SLC30A8: variants seen among roughly 807,000 people sequenced by gnomAD.
SLC30A8 encodes the protein solute carrier family 30 member 8, also known as proton-coupled zinc antiporter SLC30A8.
A neutral mutation model predicts 36.9 loss-of-function variants in SLC30A8; 27 were observed. That is an observed-to-expected ratio of 0.73 (90% CI 0.54 to 1.01). SLC30A8 has a LOEUF of 1.01. Among genes scored for constraint, SLC30A8 ranks in the 50% least tolerant of loss-of-function variants. The probability of loss-of-function intolerance (pLI) is 0.00; values close to 1 mark genes in which losing one functional copy is unlikely to be tolerated. For synonymous variants in SLC30A8, 164 were observed against 172.4 expected, an observed-to-expected ratio of 0.95 and a Z score of 0.38; for missense variants, 439 against 452.0, an observed-to-expected ratio of 0.97 and a Z score of 0.26.
At chr8:117,133,826 A>G (rs1442616738), upstream of SLC30A8, among the ~76,000 whole-genome samples, 1 of 151,984 alleles carries the variant, frequency 6.6e-6, no homozygotes, top group East Asian at 1.9e-4. Context: ...TTATTCTGCT[A>G]ACAGTAGACC....
intron 1 of SLC30A8, among the ~76,000 whole-genome samples, chr8:117,022,715 C>T (rs1202236243): frequency 6.6e-6 from 1 of 152,154 alleles, no homozygotes; most frequent in African/African-American, 2.4e-5. Flanking sequence ...ACACTTTATA[C>T]AAAAATTAAT....
At chr8:117,032,389 A>G (rs1451850817) in intron 1 of SLC30A8, among the ~76,000 whole-genome samples, 1 of 152,226 alleles carries the variant, frequency 6.6e-6, no homozygotes, top group Non-Finnish European at 1.5e-5. Context: ...CCAAATGAAT[A>G]AAAAGGTGTA....
At chr8:116,973,806 A>T (rs1027762277) in intron 1 of SLC30A8, among the ~76,000 whole-genome samples, 2 of 152,234 alleles carry the variant, frequency 1.3e-5, no homozygotes, top group African/African-American at 4.8e-5. Context: ...AGGCTACAGT[A>T]ACCAAAACAG....
At chr8:117,056,604 T>C (rs750786421) in intron 2 of SLC30A8, among the ~76,000 whole-genome samples, 61 of 152,128 alleles carry the variant, frequency 4.0e-4, no homozygotes, top group Admixed American at 3.3e-4. Context: ...TGAGGTCTAG[T>C]TGAGAAGGGG....
chr8:117,091,842 T>G (rs549487023), intron 2 of SLC30A8, among the ~76,000 whole-genome samples: 1 of 152,256 alleles, frequency 6.6e-6, no homozygotes, highest in South Asian at 2.1e-4. Context: ...GACTTTGATG[T>G]CAGTTTCAGG....
chr8:117,165,947 G>C (rs1823033890), intron 6 of SLC30A8, among the ~76,000 whole-genome samples: 1 of 152,126 alleles, frequency 6.6e-6, no homozygotes, highest in Non-Finnish European at 1.5e-5. Context: ...TCATAGAAGT[G>C]AAAAGTAGAA....
chr8:117,064,028 G>C (rs1269986784), intron 2 of SLC30A8, among the ~76,000 whole-genome samples: 2 of 151,006 alleles, frequency 1.3e-5, no homozygotes, highest in Non-Finnish European at 2.9e-5. Flanking sequence ...AGGGAATTTC[G>C]CTCTTGTTGC....
At chr8:117,126,931 A>G (rs892420901) in intron 2 of SLC30A8, among the ~76,000 whole-genome samples, 10 of 152,026 alleles carry the variant, frequency 6.6e-5, no homozygotes, top group South Asian at 4.1e-4. Context: ...GGGAGAGCAC[A>G]TGTTCCAGGC....
intron 2 of SLC30A8, among the ~76,000 whole-genome samples, chr8:117,108,908 T>G (rs1820109173): frequency 6.6e-6 from 1 of 152,222 alleles, no homozygotes; most frequent in Non-Finnish European, 1.5e-5. Flanking sequence ...AAATTCACAT[T>G]TCAGCTTTCA....
At chr8:117,096,035 G>A (rs1819346553) in intron 2 of SLC30A8, among the ~76,000 whole-genome samples, 1 of 152,082 alleles carries the variant, frequency 6.6e-6, no homozygotes, top group Non-Finnish European at 1.5e-5. Context: ...GCACATTGTT[G>A]GGCTCACCTT....
intron 2 of SLC30A8, among the ~76,000 whole-genome samples, chr8:117,123,408 A>G (rs1433992725): frequency 6.6e-6 from 1 of 152,046 alleles, no homozygotes; most frequent in Non-Finnish European, 1.5e-5. Flanking sequence ...TTAAAATAGC[A>G]TGAAGGAATC....
intron 4 of SLC30A8, among the ~76,000 whole-genome samples, chr8:117,160,073 G>C (rs901244540): frequency 1.3e-5 from 2 of 152,142 alleles, no homozygotes; most frequent in Non-Finnish European, 2.9e-5. Context: ...GGGATTACAG[G>C]TTTCAAATGC....
chr8:117,104,525 C>G (rs969671874), intron 2 of SLC30A8, among the ~76,000 whole-genome samples: 1 of 152,158 alleles, frequency 6.6e-6, no homozygotes, highest in Non-Finnish European at 1.5e-5. Flanking sequence ...TAGGTATTCT[C>G]TAAAACAATA....
chr8:117,135,463 GTTGC>G, intron 1 of SLC30A8, 65 bp downstream of exon 1: 1 of 1,335,440 alleles, frequency 7.5e-7, no homozygotes, highest in Admixed American at 2.0e-5. Context: ...CCTATACCTT[GTTGC>G]TTCTGAATTG....
At chr8:117,016,214 T>C (rs984886130) in intron 1 of SLC30A8, among the ~76,000 whole-genome samples, 1 of 152,168 alleles carries the variant, frequency 6.6e-6, no homozygotes, top group African/African-American at 2.4e-5. Flanking sequence ...AAGTAGTTTG[T>C]GGAAGCTAGG....
chr8:117,079,206 C>T (rs1208499250), intron 2 of SLC30A8, among the ~76,000 whole-genome samples: 4 of 151,906 alleles, frequency 2.6e-5, no homozygotes, highest in Non-Finnish European at 4.4e-5. Context: ...GAGACAGTTT[C>T]GCCTTGTTGG....
At chr8:117,086,055 A>G (rs969845673) in intron 2 of SLC30A8, among the ~76,000 whole-genome samples, 26 of 152,280 alleles carry the variant, frequency 1.7e-4, no homozygotes, top group African/African-American at 4.8e-4. Context: ...TGTTTTTCCT[A>G]CTAGGTGTCA....
Position 117,172,808 on chromosome 8 carries a change from A to C in SLC30A8, c.*127A>C. 1 of 1,096,772 alleles carries C rather than the reference A, an allele frequency of 9.1e-7. No individual in the cohort carries two copies. Among genetic ancestry groups the C allele is most frequent in the Non-Finnish European group, 1.3e-6 (1 of 751,980 alleles). The allele number at this position is 1,096,772 out of a possible 1,614,324, so 67.9% of individuals were successfully genotyped here. A position where few individuals can be genotyped will look rare whatever the true frequency, so the allele number is the denominator to read the frequency against. ...CATGTCATGGTGCAATGCACATTTT[A>C]TCTATTTATTTAGTTCCATTCACCA... is the stretch of plus-strand genomic sequence containing the variant. On this transcript the variant is annotated 3_prime_UTR_variant, in exon 8 of 8. Coordinates refer to ENST00000456015, the MANE Select transcript of SLC30A8 (RefSeq NM_173851.3).
At chr8:117,002,876 T>TG (rs1816058327) in intron 1 of SLC30A8, among the ~76,000 whole-genome samples, 1 of 152,198 alleles carries the variant, frequency 6.6e-6, no homozygotes, top group Non-Finnish European at 1.5e-5. Flanking sequence ...GTGCTGAGAT[T>TG]ATAGGCGTGA....
Sources: gnomAD v4.1 joint callset for allele counts (sites outside exome capture counted in the v4.1 genomes callset) on GRCh38, gnomAD v4.1.1 for gene constraint, MANE v1.5 for transcripts, NCBI Gene and HGNC (gene_info 2026-07-23, HGNC 2026-07-21) for gene names.